ZNF592: variants seen among roughly 807,000 people sequenced by gnomAD.
ZNF592 encodes spinocerebellar ataxia, autosomal recessive 5.
A neutral mutation model predicts 80.3 loss-of-function variants in ZNF592; 11 were observed. The ratio of observed to expected loss-of-function variants is 0.14; its 90% CI spans 0.09 to 0.23. The LOEUF (loss-of-function observed/expected upper bound fraction) is 0.23, where lower values mean the gene tolerates loss of function less well. Among genes scored for constraint, ZNF592 ranks in the 10% least tolerant of loss-of-function variants. The pLI is 1.00. For synonymous variants in ZNF592, 646 were observed against 640.3 expected (o/e 1.01, Z -0.13); for missense variants, 1,420 against 1,633.9 (o/e 0.87, Z 2.26).
intron 2 of ZNF592, among the ~76,000 whole-genome samples, chr15:84,773,218 T>G (rs951242510): frequency 4.4e-4 from 67 of 151,422 alleles, no homozygotes; most frequent in Non-Finnish European, 7.2e-4. Context: ...ACCAGGGTTT[T>G]TTTTTTTTTT....
rs1248862832 is a variant in ZNF592, at chr15:84,798,211, G to A, written c.2577-104G>A. The stretch of plus-strand genomic sequence containing the variant: ...CAGGGGAGCATCCACATTGGCTCAG[G>A]GTAGTGCTTTCCCAAACTTGACCCT... On this transcript the variant is annotated intron_variant, in intron 6 of 10. Transcript: ENST00000560079. The surrounding 1 kb of genome is among the most constrained non-coding windows in gnomAD (Gnocchi z 4.5). 7 of 1,588,884 alleles carry A rather than the reference G, an allele frequency of 4.4e-6. No homozygotes were observed. The highest frequency in any genetic ancestry group is 1.3e-5 in the African/African-American group (1 of 74,610).
Position 84,798,560 on chromosome 15 carries a change from A to G in ZNF592, c.2737-28A>G. ...ACTCTGTGCATCTTTCCCCTTGCCC[A>G]GTCAGTAATCGCTCTCCCCATCCCC... On this transcript the variant is annotated intron_variant, in intron 7 of 10. Coordinates refer to ENST00000560079, the MANE Select transcript of ZNF592 (RefSeq NM_014630.3). This position sits in a 1 kb window ranked among gnomAD's most constrained non-coding sequence, Gnocchi z 4.5. The G allele has an allele frequency of 1.9e-6, 3 of 1,613,992 alleles. No homozygotes were observed. The highest frequency in any genetic ancestry group is 1.7e-5 in the Admixed American group (1 of 60,020).
chr15:84,770,568 G>A (rs185108125), intron 2 of ZNF592, among the ~76,000 whole-genome samples: 37 of 152,120 alleles, frequency 2.4e-4, no homozygotes, highest in African/African-American at 8.4e-4. Context: ...TCAGCTTTGT[G>A]CCCTCAGTGC....
chr15:84,799,200 T>C lies in ZNF592; in HGVS notation c.3127T>C (p.Tyr1043His). The change falls in exon 9 of 11, where the codon TAC (tyrosine) becomes CAC (histidine). Residue 1043 changes from tyrosine (Y) to histidine (H), a missense_variant. Around this residue, in one of 7 missense-constraint regions of ZNF592, gnomAD observed 331 missense variants for 347.0 expected, o/e 0.95. Transcript: ENST00000560079. The surrounding 1 kb of genome is among the most constrained non-coding windows in gnomAD (Gnocchi z 4.2). The stretch of plus-strand genomic sequence containing the variant: ...CAACCATGACACAGTAAAGAAGTTC[T>C]ACACCTGCGGGTGAGTCCCTGGGGA... The part of the protein sequence containing the change: ...RNNHDTVKKF[Y>H]TCGYCTEDSP... 2 of 1,614,186 alleles carry C rather than the reference T, an allele frequency of 1.2e-6. No individual in the cohort carries two copies. Among genetic ancestry groups the C allele is most frequent in the Non-Finnish European group, 1.7e-6 (2 of 1,180,032 alleles).
At chr15:84,777,518 C>G (rs2141980210) in intron 2 of ZNF592, among the ~76,000 whole-genome samples, 1 of 151,240 alleles carries the variant, frequency 6.6e-6, no homozygotes, top group Non-Finnish European at 1.5e-5. Context: ...CATGGGGTCT[C>G]ACTATGTTGG....
At chr15:84,774,153 A>G (rs535051581) in intron 2 of ZNF592, among the ~76,000 whole-genome samples, 4 of 152,294 alleles carry the variant, frequency 2.6e-5, no homozygotes, top group South Asian at 2.1e-4. Context: ...AATTTTGCCT[A>G]TTTATGCAGC....
intron 1 of ZNF592, among the ~76,000 whole-genome samples, chr15:84,748,945 C>T (rs1026198831): frequency 1.1e-4 from 16 of 151,604 alleles, no homozygotes; most frequent in African/African-American, 3.9e-4. Context: ...AGGCCGGGCA[C>T]GCTGCTGTCC....
At chr15:84,786,555 C>A (rs903513780) in intron 4 of ZNF592, among the ~76,000 whole-genome samples, 1 of 152,164 alleles carries the variant, frequency 6.6e-6, no homozygotes. Context: ...TGTAGGGCTT[C>A]TGCAGAGGAC....
chr15:84,796,977 C>G (rs571066982), intron 5 of ZNF592, among the ~76,000 whole-genome samples: 12 of 152,094 alleles, frequency 7.9e-5, no homozygotes, highest in African/African-American at 1.9e-4. Context: ...CCCGCTCCCC[C>G]CCAAGAGACA....
intron 1 of ZNF592, among the ~76,000 whole-genome samples, chr15:84,750,402 A>T (rs866419084): frequency 1.8e-4 from 28 of 152,240 alleles, no homozygotes; most frequent in African/African-American, 6.8e-4. Flanking sequence ...AGAAAGCAAA[A>T]ATGATTGCCC....
At chr15:84,776,754 T>TCAAAA (rs112582281) in intron 2 of ZNF592, among the ~76,000 whole-genome samples, 66 of 150,982 alleles carry the variant, frequency 4.4e-4, no homozygotes, top group Middle Eastern at 7.1e-3. Context: ...AGACTCTGTT[T>TCAAAA]CAAAACAAAA....
intron 1 of ZNF592, among the ~76,000 whole-genome samples, chr15:84,754,697 C>T (rs976798816): frequency 1.2e-4 from 18 of 149,062 alleles, no homozygotes; most frequent in Admixed American, 5.3e-4. Context: ...TGAAAGACCC[C>T]GTCTCTTAAA....
At chr15:84,789,433 CT>C (rs1365043181) in intron 4 of ZNF592, among the ~76,000 whole-genome samples, 2 of 152,026 alleles carry the variant, frequency 1.3e-5, no homozygotes, top group African/African-American at 2.4e-5. Context: ...GCTTTTAAGT[CT>C]TTTTGGTACA....
chr15:84,786,985 C>G (rs8029167), intron 4 of ZNF592, among the ~76,000 whole-genome samples: 128,037 of 151,622 alleles, frequency 0.84, 54,477 homozygotes, highest in African/African-American at 0.95. Flanking sequence ...TGAGTAGCTG[C>G]GACTACAGGT....
chr15:84,773,893 T>C (rs917322454), intron 2 of ZNF592, among the ~76,000 whole-genome samples: 1 of 152,204 alleles, frequency 6.6e-6, no homozygotes, highest in Non-Finnish European at 1.5e-5. Context: ...ACAGCACACG[T>C]AGCTATGGAC....
chr15:84,764,565 T>G (rs1266366626), intron 1 of ZNF592, 142 bp from the exon 2 acceptor site: 3 of 382,510 alleles, frequency 7.8e-6, no homozygotes, highest in Non-Finnish European at 1.4e-5. Context: ...TGTGGCCTGC[T>G]TGAATTTACA....
chr15:84,798,288 C>T lies in ZNF592; in HGVS notation c.2577-27C>T. ...AGGGGCTGCATGGTGCCTTGGCCACCTCACCCCCTAGGGCTTGTCTCATCA... is the reference window on the plus strand; with the variant it reads ...AGGGGCTGCATGGTGCCTTGGCCACTTCACCCCCTAGGGCTTGTCTCATCA... On this transcript the variant is annotated intron_variant, in intron 6 of 10. Transcript: ENST00000560079. The surrounding 1 kb of genome is among the most constrained non-coding windows in gnomAD (Gnocchi z 4.5). 1.9e-6 allele frequency: 3 copies of T among 1,613,912 alleles called. No individual in the cohort carries two copies. The highest frequency in any genetic ancestry group is 2.5e-6 in the Non-Finnish European group (3 of 1,180,014).
At chr15:84,754,294 C>G (rs1012222975) in intron 1 of ZNF592, among the ~76,000 whole-genome samples, 1 of 152,130 alleles carries the variant, frequency 6.6e-6, no homozygotes, top group Non-Finnish European at 1.5e-5. Flanking sequence ...CACGGTGGCT[C>G]GTGCTTGTAA....
chr15:84,790,748 T>G lies in ZNF592; in HGVS notation c.2264T>G (p.Phe755Cys), dbSNP rs377345977. The change falls in exon 5 of 11, where the codon TTC becomes TGC. Residue 755 changes from phenylalanine (F) to cysteine (C), a missense_variant. Physicochemically the swap from Phe to Cys is radical, Grantham distance 205. Transcript: ENST00000560079. Reference sequence around the variant, plus strand: ...ATGCTGCTGCCCAACCAGTGCAGTTTCTGTGCCCACCAGCGGATTCATGCA... The same window carrying G: ...ATGCTGCTGCCCAACCAGTGCAGTTGCTGTGCCCACCAGCGGATTCATGCA... ...CQMLLPNQCS[F>C]CAHQRIHAHK... The G allele has an allele frequency of 6.2e-7, 1 of 1,614,154 alleles. No individual in the cohort carries two copies. Among genetic ancestry groups the G allele is most frequent in the African/African-American group, 1.3e-5 (1 of 75,038 alleles).
Sources: gnomAD v4.1 joint callset for allele counts (sites outside exome capture counted in the v4.1 genomes callset) on GRCh38, gnomAD v4.1.1 for gene constraint, gnomAD v4.1.1 regional missense constraint, Gnocchi (gnomAD v3.1) non-coding constraint, MANE v1.5 for transcripts, NCBI Gene and HGNC (gene_info 2026-07-23, HGNC 2026-07-21) for gene names.